The following ERICH6B variants were observed in gnomAD, a reference collection of about 807,000 sequenced individuals.
ERICH6B encodes the protein glutamate-rich protein 6B.
A neutral mutation model predicts 80.0 loss-of-function variants in ERICH6B; 69 were observed. That is an observed-to-expected ratio of 0.86 (90% CI 0.71 to 1.05). The LOEUF (loss-of-function observed/expected upper bound fraction) is 1.05, where lower values mean the gene tolerates loss of function less well. Ranked by LOEUF, ERICH6B falls within the 50% of genes least tolerant of loss-of-function variation. The pLI, the probability that ERICH6B is intolerant of heterozygous loss-of-function variation, is 0.00. For missense variants in ERICH6B, 754 were observed against 796.1 expected, an observed-to-expected ratio of 0.95 and a Z score of 0.64; for synonymous variants, 283 against 291.9, an observed-to-expected ratio of 0.97 and a Z score of 0.31.
At chr13:45,571,571 T>C (rs1057340295) in intron 8 of ERICH6B, among the ~76,000 whole-genome samples, 1 of 152,228 alleles carries the variant, frequency 6.6e-6, no homozygotes, top group Non-Finnish European at 1.5e-5. Flanking sequence ...AGGCTTCAAC[T>C]GTTTGCTAAG....
chr13:45,612,068 G>A (rs1949902869), intron 1 of ERICH6B, among the ~76,000 whole-genome samples: 1 of 152,148 alleles, frequency 6.6e-6, no homozygotes, highest in African/African-American at 2.4e-5. Flanking sequence ...GTATTTACAT[G>A]GATTGATGTT....
intron 1 of ERICH6B, among the ~76,000 whole-genome samples, chr13:45,609,885 A>G (rs1949889852): frequency 6.6e-6 from 1 of 152,258 alleles, no homozygotes; most frequent in African/African-American, 2.4e-5. Flanking sequence ...CATGGGAGTG[A>G]AGGAGATCTG....
intron 7 of ERICH6B, among the ~76,000 whole-genome samples, chr13:45,579,085 A>T (rs565377382): frequency 6.6e-6 from 1 of 152,338 alleles, no homozygotes; most frequent in Admixed American, 6.5e-5. Context: ...GCTGAATGAG[A>T]ATCTGCTTTT....
At chr13:45,575,475 C>T (rs1479369643) in intron 7 of ERICH6B, among the ~76,000 whole-genome samples, 1 of 151,928 alleles carries the variant, frequency 6.6e-6, no homozygotes, top group Non-Finnish European at 1.5e-5. Context: ...ACGTGGTGGG[C>T]GGGGGCCAGC....
rs1302254153 is a variant in ERICH6B, at chr13:45,604,181, C to G, written c.-59+3383G>C. ...CTGAGAAGAGGGAACTCTGCTGACT[C>G]TGTGAGGATGTTTGGAGCACCCACT... On this transcript the variant is annotated intron_variant, in intron 2 of 14. Coordinates refer to ENST00000298738, the MANE Select transcript of ERICH6B (RefSeq NM_182542.3). Among the ~76,000 whole-genome samples the G allele has an allele frequency of 3.9e-5, 6 of 152,384 alleles. No individual in the cohort carries two copies. In the East Asian group the frequency reaches 1.2e-3, roughly 29 times the overall value.
At chr13:45,602,323 T>C (rs1457739122) in intron 2 of ERICH6B, among the ~76,000 whole-genome samples, 1 of 152,246 alleles carries the variant, frequency 6.6e-6, no homozygotes, top group Non-Finnish European at 1.5e-5. Flanking sequence ...GCCCTCACAA[T>C]GTGTCAGCAC....
chr13:45,572,783 C>A (rs572187651), intron 8 of ERICH6B, among the ~76,000 whole-genome samples: 2 of 152,224 alleles, frequency 1.3e-5, no homozygotes, highest in East Asian at 3.9e-4. Flanking sequence ...GAGAAATAAG[C>A]AACATGGTAG....
chr13:45,603,957 G>C lies in ERICH6B; in HGVS notation c.-59+3607C>G, dbSNP rs1009513220. 1.4e-4 allele frequency among the ~76,000 whole-genome samples: 22 copies of C among 152,342 alleles called. 1 individual carries two copies. Among genetic ancestry groups the C allele is most frequent in the African/African-American group, 5.3e-4 (22 of 41,582 alleles). On this transcript the variant is annotated intron_variant, in intron 2 of 14. Transcript: ENST00000298738. ...GGTACGATGTGTGTTGAGTGAATGT[G>C]TGAATACAGACCCCTCCCTTTCCCA...
intron 10 of ERICH6B, 132 bp from the exon 11 acceptor site, chr13:45,561,658 GA>G: frequency 1.1e-6 from 1 of 939,470 alleles, no homozygotes; most frequent in Non-Finnish European, 1.6e-6. Flanking sequence ...CCCCAGTGAG[GA>G]AGGCTGTCGG....
intron 11 of ERICH6B, among the ~76,000 whole-genome samples, chr13:45,559,278 T>C (rs1158985413): frequency 6.6e-6 from 1 of 152,196 alleles, no homozygotes; most frequent in Non-Finnish European, 1.5e-5. Flanking sequence ...ATTGAATTTA[T>C]TTGGATTTTC....
intron 13 of ERICH6B, among the ~76,000 whole-genome samples, chr13:45,545,283 C>T (rs930820357): frequency 3.3e-5 from 5 of 152,164 alleles, no homozygotes; most frequent in African/African-American, 1.2e-4. Flanking sequence ...TTCCCCTGCC[C>T]CAGGTGGCAT....
At chr13:45,577,415 C>T (rs1250747762) in intron 7 of ERICH6B, among the ~76,000 whole-genome samples, 1 of 150,072 alleles carries the variant, frequency 6.7e-6, no homozygotes, top group African/African-American at 2.4e-5. Context: ...TCCCAAGTAG[C>T]TAGGATTACA....
chr13:45,587,049 G>A lies in ERICH6B; in HGVS notation c.856+14C>T, dbSNP rs976759119. 1.5e-5 allele frequency: 23 copies of A among 1,549,622 alleles called. No homozygotes were observed. Among genetic ancestry groups the A allele is most frequent in the Middle Eastern group, 1.7e-4 (1 of 5,942 alleles). On this transcript the variant is annotated intron_variant, in intron 5 of 14. Transcript: ENST00000298738. ...CCCGGCTGCGCCTCACCGACAGAGC[G>A]CAGCTTCCCTCACCGGCAGTTCTGT...
At position 45,544,937 on chromosome 13, in the gene ERICH6B, G is replaced by C. The variant is rs1253353726; in HGVS notation, c.1695C>G (p.Arg565=). The part of the protein sequence containing the change: ...NLGYYFPKDK[R]QKAWNWWNLN... ...GATTCCACCAGTTCCAGGCCTTCTGGCGTTTGTCTTTGGGGAAGTAGTAGC... is the reference window on the plus strand; with the variant it reads ...GATTCCACCAGTTCCAGGCCTTCTGCCGTTTGTCTTTGGGGAAGTAGTAGC... The change falls in exon 14 of 15, where the codon CGC becomes CGG. Residue 565 remains arginine, a synonymous_variant. Transcript: ENST00000298738. 5.8e-6 allele frequency: 9 copies of C among 1,551,500 alleles called. No individual in the cohort carries two copies. Among genetic ancestry groups the C allele is most frequent in the Non-Finnish European group, 7.8e-6 (9 of 1,147,014 alleles).
intron 11 of ERICH6B, among the ~76,000 whole-genome samples, chr13:45,553,583 T>C (rs914954881): frequency 6.6e-6 from 1 of 152,174 alleles, no homozygotes; most frequent in African/African-American, 2.4e-5. Flanking sequence ...CTGCACTAAA[T>C]ACTTTAATTC....
rs555664655 is a variant in ERICH6B, at chr13:45,565,381, C to A, written c.1188-1593G>T. ...GACCCATGGGGGCACAAACTCATAC[C>A]TGGCTCTCCAGGTTTCTGAGAGTGG... On this transcript the variant is annotated intron_variant, in intron 9 of 14. Coordinates refer to ENST00000298738, the MANE Select transcript of ERICH6B (RefSeq NM_182542.3). Among the ~76,000 whole-genome samples the A allele has an allele frequency of 3.9e-5, 6 of 152,320 alleles. No homozygotes were observed. In the South Asian group the frequency reaches 1.0e-3, roughly 26 times the overall value.
chr13:45,601,790 A>G (rs932319015), intron 2 of ERICH6B, among the ~76,000 whole-genome samples: 3 of 152,226 alleles, frequency 2.0e-5, no homozygotes, highest in African/African-American at 7.2e-5. Context: ...TACAGGTGGA[A>G]TAAATAGTAA....
chr13:45,579,983 G>T lies in ERICH6B; in HGVS notation c.920-9C>A. The T allele has an allele frequency of 6.5e-7, 1 of 1,543,062 alleles. No individual in the cohort carries two copies. The highest frequency in any genetic ancestry group is 8.8e-7 in the Non-Finnish European group (1 of 1,142,546). ...TTTAGTGTTAACATGCTCTAAAAAA[G>T]AATAAGAAAAATTATTAACAGGATA... On this transcript the variant is annotated splice_polypyrimidine_tract_variant and intron_variant, in intron 6 of 14. Transcript: ENST00000298738.
At chr13:45,604,384 G>A (rs11843859) in intron 2 of ERICH6B, among the ~76,000 whole-genome samples, 108 of 152,236 alleles carry the variant, frequency 7.1e-4, no homozygotes, top group African/African-American at 2.5e-3. Flanking sequence ...GGGATGCTGC[G>A]GCAGAAGCCC....
Sources: allele counts gnomAD v4.1 joint callset (sites outside exome capture counted in the v4.1 genomes callset), GRCh38; gene constraint gnomAD v4.1.1; transcripts MANE v1.5; gene names NCBI Gene and HGNC (gene_info 2026-07-23, HGNC 2026-07-21).